The following ABR variants were observed in gnomAD, a reference collection of about 807,000 sequenced individuals.
The protein encoded by ABR is active breakpoint cluster region-related protein.
In ABR, 35 loss-of-function variants were observed where a neutral mutation model predicts 107.2. The observed-to-expected ratio is 0.33, with a 90% CI of 0.25 to 0.43. The LOEUF (loss-of-function observed/expected upper bound fraction) is 0.43. Among genes scored for constraint, ABR ranks in the 20% least tolerant of loss-of-function variants. The probability of loss-of-function intolerance (pLI) is 1.00; values close to 1 mark genes in which losing one functional copy is unlikely to be tolerated. For synonymous variants in ABR, 498 were observed against 462.0 expected (o/e 1.08, Z -1.00); for missense variants, 815 against 1,115.2 (o/e 0.73, Z 3.83).
intron 4 of ABR, among the ~76,000 whole-genome samples, chr17:1,091,140 C>A (rs1344144131): frequency 1.3e-5 from 2 of 152,206 alleles, no homozygotes; most frequent in African/African-American, 4.8e-5. Flanking sequence ...GTGTGCCCAA[C>A]TGCTTCCTTT....
intron 16 of ABR, among the ~76,000 whole-genome samples, chr17:1,015,395 GC>G (rs1360746463): frequency 1.4e-5 from 2 of 146,358 alleles, no homozygotes. Context: ...CTCCAGCCTG[GC>G]GACAGAGTGA....
chr17:1,221,152 T>C lies in ABR; in HGVS notation c.838+7641A>G, dbSNP rs555583132. 1.3e-4 allele frequency among the ~76,000 whole-genome samples: 20 copies of C among 152,342 alleles called. No individual in the cohort carries two copies. The South Asian group carries it at 4.1e-3, about 32-fold the overall frequency. On this transcript the variant is annotated intron_variant, in intron 1 of 22. Transcript: ENST00000574139. ...TAGCTGCCTACGCAATATCAATTCT[T>C]CTATTTTTCCTTGTAACAGAGCCCC...
intron 1 of ABR, among the ~76,000 whole-genome samples, chr17:1,193,004 C>T (rs970047674): frequency 1.3e-5 from 2 of 152,182 alleles, no homozygotes; most frequent in South Asian, 2.1e-4. Flanking sequence ...GCCGAGATTG[C>T]GCCATTGCAC....
intron 16 of ABR, among the ~76,000 whole-genome samples, chr17:1,036,456 A>G (rs1043426457): frequency 6.6e-6 from 1 of 151,220 alleles, no homozygotes; most frequent in Admixed American, 6.6e-5. Flanking sequence ...GGGGGACAAG[A>G]AGGTGCTGGA....
At chr17:1,213,980 C>T (rs1444670204) in intron 1 of ABR, among the ~76,000 whole-genome samples, 7 of 152,120 alleles carry the variant, frequency 4.6e-5, no homozygotes, top group South Asian at 2.1e-4. Flanking sequence ...CTCCGCCTCC[C>T]GGGTTCAAGT....
At chr17:1,185,714 C>A (rs1392546933) in intron 1 of ABR, among the ~76,000 whole-genome samples, 2 of 150,134 alleles carry the variant, frequency 1.3e-5, no homozygotes, top group Non-Finnish European at 2.9e-5. Flanking sequence ...AAGAAGACGA[C>A]CTCCAGGCCT....
Position 1,010,286 on chromosome 17 carries a change from C to A in ABR, c.2236+443G>T. The A allele has an allele frequency of 4.5e-6, 1 of 223,100 alleles. No individual in the cohort carries two copies. The highest frequency in any genetic ancestry group is 5.1e-5 in the Admixed American group (1 of 19,572). 13.8% of individuals were successfully genotyped at this position (223,100 alleles called of 1,614,324 possible). A position where few individuals can be genotyped will look rare whatever the true frequency, so the allele number is the denominator to read the frequency against. ...GCCCAGGTGGGTGGAGGCGGAAGGC[C>A]TGCTGGCCGGGGCCCTCCGCAGAGG... On this transcript the variant is annotated intron_variant, in intron 20 of 22. Coordinates refer to ENST00000302538, the MANE Select transcript of ABR (RefSeq NM_021962.5). This position sits in a 1 kb window ranked among gnomAD's most constrained non-coding sequence, Gnocchi z 4.1.
chr17:1,184,203 C>A (rs2042222098), upstream of ABR, among the ~76,000 whole-genome samples: 1 of 150,448 alleles, frequency 6.6e-6, no homozygotes, highest in Admixed American at 6.6e-5. Flanking sequence ...CGCCTGTAAT[C>A]CCAGTACTCT....
intron 1 of ABR, among the ~76,000 whole-genome samples, chr17:1,226,253 T>G (rs956387931): frequency 2.0e-5 from 3 of 152,182 alleles, no homozygotes; most frequent in Admixed American, 2.0e-4. Flanking sequence ...CTAATTTCAA[T>G]GAGCTGTTTC....
intron 16 of ABR, among the ~76,000 whole-genome samples, chr17:1,014,172 C>T (rs902170463): frequency 1.1e-3 from 162 of 152,290 alleles, no homozygotes; most frequent in African/African-American, 3.5e-3. Context: ...CCAGGCGTGG[C>T]GGCTCACGCC....
At chr17:1,151,488 C>T (rs1201550096) in intron 1 of ABR, among the ~76,000 whole-genome samples, 1 of 150,920 alleles carries the variant, frequency 6.6e-6, no homozygotes, top group African/African-American at 2.4e-5. Context: ...ACGCCCCCAC[C>T]TCTCTCATTC....
chr17:1,026,722 G>A (rs1567603106), intron 16 of ABR, among the ~76,000 whole-genome samples: 1 of 152,222 alleles, frequency 6.6e-6, no homozygotes, highest in Non-Finnish European at 1.5e-5. Flanking sequence ...AGGTGCTGGG[G>A]GGCCGTCAGG....
rs782238294 is a variant in ABR, at chr17:1,152,282, C to CA, written c.62-26916dup. On this transcript the variant is annotated intron_variant, in intron 1 of 22. Coordinates refer to ENST00000302538, the MANE Select transcript of ABR (RefSeq NM_021962.5). ...TGGGCTACAGAGCGAGACTCTGTCTCAAAAAAAAAAAAAAAAAGACAGGAC... is the reference window on the plus strand; with the variant it reads ...TGGGCTACAGAGCGAGACTCTGTCTCAAAAAAAAAAAAAAAAAAGACAGGAC... Among the ~76,000 whole-genome samples, 166 of 126,944 alleles carry CA rather than the reference C, an allele frequency of 1.3e-3. 1 individual carries two copies. The highest frequency in any genetic ancestry group is 9.3e-3 in the Middle Eastern group (2 of 216). 83.3% of individuals were successfully genotyped at this position (126,944 alleles called of 152,430 possible). A position where few individuals can be genotyped will look rare whatever the true frequency, so the allele number is the denominator to read the frequency against.
chr17:1,189,380 G>A (rs967884930), upstream of ABR, among the ~76,000 whole-genome samples: 2 of 129,402 alleles, frequency 1.5e-5, no homozygotes, highest in South Asian at 4.7e-4. Context: ...ACAGAGTCTC[G>A]TTCTTGTCCC....
At chr17:1,132,983 C>T (rs969585662) in intron 1 of ABR, among the ~76,000 whole-genome samples, 7 of 152,178 alleles carry the variant, frequency 4.6e-5, no homozygotes, top group African/African-American at 1.7e-4. Context: ...TGGCTCACGC[C>T]TGTAACCCCA....
chr17:1,129,778 C>G (rs2039747544), intron 1 of ABR, among the ~76,000 whole-genome samples: 1 of 152,158 alleles, frequency 6.6e-6, no homozygotes, highest in Admixed American at 6.6e-5. Context: ...GAAACCCCCT[C>G]TCTACTAAAA....
intron 1 of ABR, among the ~76,000 whole-genome samples, chr17:1,199,218 G>A (rs901405284): frequency 3.5e-4 from 53 of 150,964 alleles, no homozygotes; most frequent in Non-Finnish European, 5.9e-5. Context: ...GGCTCTGCAG[G>A]TGCCAGGGAA....
intron 16 of ABR, chr17:1,031,813 C>G: frequency 8.1e-7 from 1 of 1,228,082 alleles, no homozygotes; most frequent in Non-Finnish European, 1.0e-6. Flanking sequence ...GCCAGTCCCG[C>G]TAGTTCCCTA....
chr17:1,150,837 G>A lies in ABR; in HGVS notation c.62-25470C>T, dbSNP rs532388840. Among the ~76,000 whole-genome samples the A allele has an allele frequency of 7.9e-5, 12 of 152,266 alleles. No homozygotes were observed. The highest frequency in any genetic ancestry group is 2.9e-4 in the African/African-American group (12 of 41,556). On this transcript the variant is annotated intron_variant, in intron 1 of 22. Coordinates refer to ENST00000302538, the MANE Select transcript of ABR (RefSeq NM_021962.5). This position sits in a 1 kb window ranked among gnomAD's most constrained non-coding sequence, Gnocchi z 4.8. ...CAAACCCAGCCATCAACACACAGAG[G>A]CCCACGAGCCCATTCCTGAGCCTCC... is the stretch of plus-strand genomic sequence containing the variant.
Sources: gnomAD v4.1 joint callset for allele counts (sites outside exome capture counted in the v4.1 genomes callset) on GRCh38, gnomAD v4.1.1 for gene constraint, Gnocchi (gnomAD v3.1) non-coding constraint, MANE v1.5 for transcripts, NCBI Gene and HGNC (gene_info 2026-07-23, HGNC 2026-07-21) for gene names.